Variants in SDK1 observed in about 807,000 individuals in gnomAD.
SDK1 encodes protein sidekick-1.
In SDK1, 157 loss-of-function variants were observed where a neutral mutation model predicts 245.5. That is an observed-to-expected ratio of 0.64 (90% confidence interval 0.56 to 0.73). The LOEUF (loss-of-function observed/expected upper bound fraction) is 0.73. Ranked by LOEUF, SDK1 falls within the 30% of genes least tolerant of loss-of-function variation. The pLI, the probability that SDK1 is intolerant of heterozygous loss-of-function variation, is 0.00. For missense variants in SDK1, 3,583 were observed against 3,002.3 expected (o/e 1.19, Z -4.52); for synonymous variants, 1,647 against 1,278.5 (o/e 1.29, Z -6.15).
intron 22 of SDK1, among the ~76,000 whole-genome samples, chr7:4,080,114 G>A (rs559982333): frequency 1.3e-5 from 2 of 152,170 alleles, no homozygotes; most frequent in Admixed American, 6.5e-5. Flanking sequence ...TGGGAAAGCT[G>A]TTATATTTGA....
chr7:3,771,954 T>A (rs1305491519), intron 4 of SDK1, among the ~76,000 whole-genome samples: 1 of 152,170 alleles, frequency 6.6e-6, no homozygotes, highest in South Asian at 2.1e-4. Context: ...CCCTTCTACT[T>A]TTTGTCTTAT....
intron 4 of SDK1, among the ~76,000 whole-genome samples, chr7:3,731,356 A>C (rs1779172900): frequency 6.6e-6 from 1 of 152,196 alleles, no homozygotes; most frequent in Non-Finnish European, 1.5e-5. Flanking sequence ...TTAGGAGGCG[A>C]GCCCCGGGAC....
At chr7:3,595,669 C>G (rs908283946) in intron 1 of SDK1, among the ~76,000 whole-genome samples, 3 of 151,554 alleles carry the variant, frequency 2.0e-5, no homozygotes, top group African/African-American at 7.3e-5. Context: ...TCTGCCACTT[C>G]CTGCGTGACT....
chr7:3,919,518 GA>G (rs1347368857), intron 5 of SDK1, among the ~76,000 whole-genome samples: 2 of 152,172 alleles, frequency 1.3e-5, no homozygotes, highest in Non-Finnish European at 2.9e-5. Flanking sequence ...CCTCCCTGGT[GA>G]ACTGAAAGAG....
At chr7:3,811,410 G>T (rs1251858786) in intron 4 of SDK1, among the ~76,000 whole-genome samples, 1 of 152,188 alleles carries the variant, frequency 6.6e-6, no homozygotes, top group African/African-American at 2.4e-5. Context: ...GAAAAGTGAG[G>T]TGTCTTCTCT....
chr7:3,638,523 C>G lies in SDK1; in HGVS notation c.459-481C>G, dbSNP rs957946626. Among the ~76,000 whole-genome samples, 7 of 150,636 alleles carry G rather than the reference C, an allele frequency of 4.6e-5. No homozygotes were observed. The Admixed American group carries it at 4.6e-4, about 10-fold the overall frequency. On this transcript the variant is annotated intron_variant, in intron 2 of 44. Transcript: ENST00000404826. ...GCTGGAAACCATCATTCTCAGCAAA[C>G]TAACACAAGGACAAAAAACCAAACA...
intron 1 of SDK1, among the ~76,000 whole-genome samples, chr7:3,432,997 G>T (rs17133346): frequency 1.3e-5 from 2 of 152,016 alleles, no homozygotes; most frequent in African/African-American, 4.8e-5. Context: ...TTTTATATTG[G>T]TGTTGAGGTT....
At chr7:3,950,355 C>A (rs2128124907) in intron 5 of SDK1, among the ~76,000 whole-genome samples, 1 of 152,346 alleles carries the variant, frequency 6.6e-6, no homozygotes, top group South Asian at 2.1e-4. Flanking sequence ...TTGTCATGCT[C>A]CGATCATCCC....
intron 1 of SDK1, among the ~76,000 whole-genome samples, chr7:3,608,615 A>G (rs1296204009): frequency 6.6e-6 from 1 of 151,584 alleles, no homozygotes; most frequent in African/African-American, 2.4e-5. Flanking sequence ...TAGCTGTGTT[A>G]ATTTGTGATA....
At chr7:3,500,125 C>T (rs1408915864) in intron 1 of SDK1, among the ~76,000 whole-genome samples, 1 of 152,036 alleles carries the variant, frequency 6.6e-6, no homozygotes, top group Non-Finnish European at 1.5e-5. Flanking sequence ...TGGTGACAGC[C>T]CTCAACTTGT....
intron 1 of SDK1, among the ~76,000 whole-genome samples, chr7:3,590,296 G>C (rs987318709): frequency 1.0e-4 from 9 of 86,988 alleles, no homozygotes; most frequent in Middle Eastern, 6.9e-3. Context: ...CTCCTTTCCT[G>C]TTCCTTTTTT....
chr7:3,702,686 C>T (rs1373944576), intron 4 of SDK1, among the ~76,000 whole-genome samples: 1 of 152,154 alleles, frequency 6.6e-6, no homozygotes, highest in African/African-American at 2.4e-5. Context: ...GGCTGTTCCC[C>T]ATGTTGGACT....
intron 22 of SDK1, among the ~76,000 whole-genome samples, chr7:4,086,936 A>G (rs754758490): frequency 6.6e-6 from 1 of 151,994 alleles, no homozygotes; most frequent in Non-Finnish European, 1.5e-5. Context: ...AGGCAAATGC[A>G]CATGTAAACT....
chr7:4,032,455 AG>A (rs1787889090), intron 17 of SDK1, among the ~76,000 whole-genome samples: 1 of 152,234 alleles, frequency 6.6e-6, no homozygotes, highest in South Asian at 2.1e-4. Flanking sequence ...GGTAGTCCAC[AG>A]TCTCCTCTGC....
intron 4 of SDK1, among the ~76,000 whole-genome samples, chr7:3,787,369 A>G (rs1429694922): frequency 6.6e-6 from 1 of 152,214 alleles, no homozygotes. Context: ...TCATTTGCAG[A>G]AAAGCAAAGG....
At chr7:3,380,429 A>G (rs1342808751) in intron 1 of SDK1, among the ~76,000 whole-genome samples, 1 of 152,228 alleles carries the variant, frequency 6.6e-6, no homozygotes, top group Non-Finnish European at 1.5e-5. Context: ...CAGAAAAGCT[A>G]TCATTTTGAG....
chr7:3,903,289 GC>G (rs936740756), intron 5 of SDK1, among the ~76,000 whole-genome samples: 1 of 151,876 alleles, frequency 6.6e-6, no homozygotes, highest in African/African-American at 2.4e-5. Flanking sequence ...GACTACAGGT[GC>G]CCGCCACCAT....
intron 1 of SDK1, among the ~76,000 whole-genome samples, chr7:3,479,259 C>G (rs1259711596): frequency 6.6e-6 from 1 of 150,620 alleles, no homozygotes; most frequent in Admixed American, 6.6e-5. Context: ...CCGTCTCTAC[C>G]AAAAACATAA....
intron 14 of SDK1, among the ~76,000 whole-genome samples, chr7:4,007,000 G>A (rs1325017320): frequency 6.6e-6 from 1 of 152,230 alleles, no homozygotes; most frequent in East Asian, 1.9e-4. Flanking sequence ...TTCAACAGTT[G>A]TCCTCTTGAC....
Sources: gnomAD v4.1 joint callset for allele counts (sites outside exome capture counted in the v4.1 genomes callset) on GRCh38, gnomAD v4.1.1 for gene constraint, MANE v1.5 for transcripts, NCBI Gene and HGNC (gene_info 2026-07-23, HGNC 2026-07-21) for gene names.